The following KHDRBS3 variants were observed in gnomAD, a reference collection of about 807,000 sequenced individuals.
KHDRBS3 encodes the protein KH RNA binding domain containing, signal transduction associated 3, also known as KH domain-containing, RNA-binding, signal transduction-associated protein 3.
A neutral mutation model predicts 45.6 loss-of-function variants in KHDRBS3; 23 were observed. That is an observed-to-expected ratio of 0.50 (90% CI 0.36 to 0.72). The LOEUF (loss-of-function observed/expected upper bound fraction) is 0.72. Among genes scored for constraint, KHDRBS3 ranks in the 30% least tolerant of loss-of-function variants. The pLI is 0.00. For missense variants in KHDRBS3, 352 were observed against 424.8 expected (o/e 0.83, Z 1.51); for synonymous variants, 162 against 156.5 (o/e 1.04, Z -0.26).
rs565782821 is a variant in KHDRBS3 at position 135,589,935 on chromosome 8, T to C, written c.807+7862T>C. Among the ~76,000 whole-genome samples the C allele has an allele frequency of 2.6e-5, 4 of 152,360 alleles. No individual in the cohort carries two copies. In the South Asian group the frequency reaches 8.3e-4, roughly 32 times the overall value. On this transcript the variant is annotated intron_variant, in intron 6 of 8. Coordinates refer to ENST00000355849, the MANE Select transcript of KHDRBS3 (RefSeq NM_006558.3). ...TTTTAGCAAACATAACATGGTCCACTTAGTGAACTAATAAGTATGAAAGAC... is the reference window on the plus strand; with the variant it reads ...TTTTAGCAAACATAACATGGTCCACCTAGTGAACTAATAAGTATGAAAGAC...
chr8:135,551,936 G>A (rs534315869), intron 4 of KHDRBS3, among the ~76,000 whole-genome samples: 150 of 152,106 alleles, frequency 9.9e-4, no homozygotes, highest in Admixed American at 2.0e-3. Context: ...TTGATTGATC[G>A]TTTTTGTTTT....
intron 1 of KHDRBS3, among the ~76,000 whole-genome samples, chr8:135,463,794 C>G (rs1337053232): frequency 6.6e-6 from 1 of 152,170 alleles, no homozygotes; most frequent in Non-Finnish European, 1.5e-5. Context: ...TCAAAAGCCC[C>G]ATTTGCCTGT....
chr8:135,458,774 C>T lies in KHDRBS3; in HGVS notation c.88+820C>T, dbSNP rs1586536261. ...CCTTGCCATTTTCACACGACTCCAGCCAGCTCAGGGTGTGAAAGATCCTAG... is the reference window on the plus strand; with the variant it reads ...CCTTGCCATTTTCACACGACTCCAGTCAGCTCAGGGTGTGAAAGATCCTAG... On this transcript the variant is annotated intron_variant, in intron 1 of 8. Coordinates refer to ENST00000355849, the MANE Select transcript of KHDRBS3 (RefSeq NM_006558.3). 1.1e-5 allele frequency: 5 copies of T among 438,950 alleles called. No homozygotes were observed. In the East Asian group the frequency reaches 3.5e-4, roughly 31 times the overall value. The allele number at this position is 438,950 out of a possible 1,614,324, so 27.2% of individuals were successfully genotyped here. A position where few individuals can be genotyped will look rare whatever the true frequency, so the allele number is the denominator to read the frequency against.
intron 1 of KHDRBS3, among the ~76,000 whole-genome samples, chr8:135,503,972 T>C (rs1823865192): frequency 2.0e-5 from 3 of 152,192 alleles, no homozygotes; most frequent in Non-Finnish European, 4.4e-5. Context: ...GAGTTTGTTA[T>C]GTGTGGTTTC....
intron 2 of KHDRBS3, among the ~76,000 whole-genome samples, chr8:135,533,637 C>T (rs1825590356): frequency 6.6e-6 from 1 of 152,174 alleles, no homozygotes; most frequent in Admixed American, 6.5e-5. Context: ...ATGGAATGTA[C>T]TGATGGACCT....
At chr8:135,611,365 G>A (rs1046709505) in intron 7 of KHDRBS3, among the ~76,000 whole-genome samples, 2 of 151,970 alleles carry the variant, frequency 1.3e-5, no homozygotes, top group African/African-American at 2.4e-5. Context: ...ACTGAGGTCT[G>A]ACTGTAACTA....
intron 5 of KHDRBS3, among the ~76,000 whole-genome samples, chr8:135,566,544 C>T (rs994202958): frequency 6.6e-5 from 10 of 152,250 alleles, no homozygotes; most frequent in South Asian, 6.2e-4. Flanking sequence ...GAATTAACAA[C>T]GAAACCTTCA....
intron 1 of KHDRBS3, among the ~76,000 whole-genome samples, chr8:135,480,943 G>A (rs1269295547): frequency 2.0e-5 from 3 of 151,924 alleles, no homozygotes; most frequent in Non-Finnish European, 4.4e-5. Context: ...TTTACACTCT[G>A]TCCATCTCTG....
chr8:135,477,077 A>G (rs559725292), intron 1 of KHDRBS3, among the ~76,000 whole-genome samples: 1 of 152,352 alleles, frequency 6.6e-6, no homozygotes, highest in Admixed American at 6.5e-5. Flanking sequence ...TTTATTGCAC[A>G]TGCAATTCCA....
intron 7 of KHDRBS3, among the ~76,000 whole-genome samples, chr8:135,616,007 C>A (rs1829900609): frequency 6.6e-6 from 1 of 152,104 alleles, no homozygotes; most frequent in South Asian, 2.1e-4. Context: ...CCAGGAATTT[C>A]TTTAGAATTA....
intron 6 of KHDRBS3, among the ~76,000 whole-genome samples, chr8:135,586,930 G>A (rs948666637): frequency 3.3e-5 from 5 of 152,114 alleles, no homozygotes; most frequent in Admixed American, 6.5e-5. Flanking sequence ...TTTTCAGAAA[G>A]TATGCATTTC....
At chr8:135,458,181 T>G in intron 1 of KHDRBS3, 1 of 1,309,950 alleles carries the variant, frequency 7.6e-7, no homozygotes. Flanking sequence ...CTGGGGCGCA[T>G]GGGTGAGACT....
intron 1 of KHDRBS3, among the ~76,000 whole-genome samples, chr8:135,518,308 G>C (rs1824726711): frequency 6.6e-6 from 1 of 152,182 alleles, no homozygotes; most frequent in Middle Eastern, 3.4e-3. Context: ...CCAGTAGCTG[G>C]ACTACAGGCG....
intron 4 of KHDRBS3, among the ~76,000 whole-genome samples, chr8:135,550,347 T>C (rs973336759): frequency 3.9e-5 from 6 of 152,192 alleles, no homozygotes; most frequent in African/African-American, 1.4e-4. Context: ...TTTCTACTGT[T>C]TTATTTTAAA....
At chr8:135,619,946 G>A (rs1357289311) in intron 7 of KHDRBS3, among the ~76,000 whole-genome samples, 2 of 152,186 alleles carry the variant, frequency 1.3e-5, no homozygotes, top group Non-Finnish European at 2.9e-5. Flanking sequence ...TTCAGCCTTG[G>A]CAGTTTCTAA....
chr8:135,519,254 T>TA (rs1220988102), intron 1 of KHDRBS3, among the ~76,000 whole-genome samples: 1 of 152,184 alleles, frequency 6.6e-6, no homozygotes, highest in Non-Finnish European at 1.5e-5. Flanking sequence ...TTCAGACACT[T>TA]ACCAATTCTT....
At chr8:135,477,360 T>G (rs72732349) in intron 1 of KHDRBS3, among the ~76,000 whole-genome samples, 1 of 152,306 alleles carries the variant, frequency 6.6e-6, no homozygotes, top group Non-Finnish European at 1.5e-5. Flanking sequence ...TTCACAGATT[T>G]TTGCTTCCGT....
intron 2 of KHDRBS3, among the ~76,000 whole-genome samples, chr8:135,529,775 T>C (rs1350002387): frequency 2.0e-5 from 3 of 152,120 alleles, no homozygotes; most frequent in African/African-American, 7.2e-5. Context: ...AATTAAAGTG[T>C]GTGGGCTGGG....
intron 6 of KHDRBS3, among the ~76,000 whole-genome samples, chr8:135,597,298 C>T (rs530070757): frequency 2.6e-5 from 4 of 152,146 alleles, no homozygotes; most frequent in Admixed American, 6.5e-5. Context: ...ATGTCTTAAG[C>T]ACTTCGCAAG....
Sources: allele counts gnomAD v4.1 joint callset (sites outside exome capture counted in the v4.1 genomes callset), GRCh38; gene constraint gnomAD v4.1.1; transcripts MANE v1.5; gene names NCBI Gene and HGNC (gene_info 2026-07-23, HGNC 2026-07-21).